Variants in BRD1 observed in about 807,000 individuals in gnomAD.
BRD1 encodes bromodomain-containing protein 1.
In BRD1, 24 loss-of-function variants were observed where a neutral mutation model predicts 107.7. That is an observed-to-expected ratio of 0.22 (90% confidence interval 0.16 to 0.31). The LOEUF is 0.31. Among genes scored for constraint, BRD1 ranks in the 10% least tolerant of loss-of-function variants. The pLI is 1.00. For synonymous variants in BRD1, 744 were observed against 686.1 expected, an observed-to-expected ratio of 1.08 and a Z score of -1.32; for missense variants, 1,279 against 1,638.6, an observed-to-expected ratio of 0.78 and a Z score of 3.79.
Position 49,776,041 on chromosome 22 carries a change from C to T in BRD1, c.3231+9G>A, listed in dbSNP as rs370656126. The T allele has an allele frequency of 1.6e-4, 246 of 1,550,416 alleles. No individual in the cohort carries two copies. Among genetic ancestry groups the T allele is most frequent in the Non-Finnish European group, 2.0e-4 (227 of 1,152,316 alleles). On this transcript the variant is annotated intron_variant, in intron 11 of 12. Coordinates refer to ENST00000404760, the MANE Select transcript of BRD1 (RefSeq NM_001304808.3). The stretch of plus-strand genomic sequence containing the variant: ...CTGGACCCGCAGGCGCCACGAGAGC[C>T]GTACTCACCAGTGCCGGGTAGGAGG...
At chr22:49,826,040 G>T in intron 1 of BRD1, 1 of 399,982 alleles carries the variant, frequency 2.5e-6, no homozygotes, top group Non-Finnish European at 3.4e-6. Flanking sequence ...AGCCGGCCCC[G>T]TGAGCCCTGC....
At chr22:49,814,868 G>A (rs915940673) in intron 2 of BRD1, among the ~76,000 whole-genome samples, 2 of 152,226 alleles carry the variant, frequency 1.3e-5, no homozygotes, top group Non-Finnish European at 2.9e-5. Context: ...TATGGTGAAA[G>A]TGAAGAGAGA....
chr22:49,787,651 C>A lies in BRD1; in HGVS notation c.2596G>T (p.Ala866Ser). 1 of 1,550,568 alleles carries A rather than the reference C, an allele frequency of 6.4e-7. No individual in the cohort carries two copies. Among genetic ancestry groups the A allele is most frequent in the South Asian group, 1.2e-5 (1 of 84,080 alleles). The change falls in exon 8 of 13, where the codon GCG becomes TCG. Residue 866 changes from alanine to serine, a missense_variant. This residue lies in a region of BRD1 where 406 missense variants were observed against 519.4 expected (regional missense o/e 0.78). Coordinates refer to ENST00000404760, the MANE Select transcript of BRD1 (RefSeq NM_001304808.3). ...GCTGGCTCCGCCACCGCGGAGGCCG[C>A]CGCCGCCGGCACATCGCCACTACTG... Reference protein sequence around the residue: ...RASSGDVPAAAASAVAEPASD... With the variant: ...RASSGDVPAASASAVAEPASD...
chr22:49,787,354 G>A (rs749807312), intron 8 of BRD1, 36 bp downstream of exon 8: 3 of 1,567,156 alleles, frequency 1.9e-6, no homozygotes, highest in Admixed American at 1.9e-5. Context: ...GCACTGGTCG[G>A]CAAGGGCGCC....
rs907957374 is a variant in BRD1, at chr22:49,775,680, G to A, written c.3297C>T (p.Pro1099=). 2 of 1,613,650 alleles carry A rather than the reference G, an allele frequency of 1.2e-6. No individual in the cohort carries two copies. Among genetic ancestry groups the A allele is most frequent in the Middle Eastern group, 1.6e-4 (1 of 6,078 alleles). Residue 1099 remains proline, a synonymous_variant, in exon 12 of 13, where the codon CCC becomes CCT. Coordinates refer to ENST00000404760, the MANE Select transcript of BRD1 (RefSeq NM_001304808.3). The part of the protein sequence containing the change: ...HHNGVTIPAP[P]LDVLKIGEHM... ...GCTCCCCAATCTTCAGCACGTCCAG[G>A]GGTGGGGCCGGGATGGTGACGCCGT...
At chr22:49,813,115 GC>G (rs1264843042) in intron 2 of BRD1, among the ~76,000 whole-genome samples, 1 of 152,180 alleles carries the variant, frequency 6.6e-6, no homozygotes, top group Non-Finnish European at 1.5e-5. Context: ...AGGTGGCCGG[GC>G]ACCATGGCTC....
At chr22:49,794,375 C>A in intron 6 of BRD1, 81 bp from the exon 7 acceptor site, 1 of 1,521,932 alleles carries the variant, frequency 6.6e-7, no homozygotes, top group South Asian at 1.3e-5. Flanking sequence ...TCTTTCAAAT[C>A]ACCTTCGGCC....
At position 49,777,689 on chromosome 22, in the gene BRD1, G is replaced by A. The variant is rs2035421128; in HGVS notation, c.2982C>T (p.Leu994=). The A allele has an allele frequency of 1.2e-6, 2 of 1,607,584 alleles. No homozygotes were observed. Among genetic ancestry groups the A allele is most frequent in the African/African-American group, 1.3e-5 (1 of 75,010 alleles). ...GCCGCGGTGCCCACCTCGAGTCGCA[G>A]AGCGGGCTGTTGCTGGAGGAGATGC... ...ESSISSSNSP[L]CDSSFNAPKC... The change falls in exon 9 of 13, where the codon CTC becomes CTT. Residue 994 remains leucine, a synonymous_variant. Transcript: ENST00000404760.
chr22:49,787,548 G>T lies in BRD1; in HGVS notation c.2699C>A (p.Thr900Asn), dbSNP rs930359536. Residue 900 changes from threonine to asparagine, a missense_variant, in exon 8 of 13, where the codon ACT (threonine) becomes AAT (asparagine). Coordinates refer to ENST00000404760, the MANE Select transcript of BRD1 (RefSeq NM_001304808.3). ...SVSPPKSAKNTETQPTSPQLG... is the reference protein window; with the variant it reads ...SVSPPKSAKNNETQPTSPQLG... ...CTGAGGAGAAGTTGGCTGGGTTTCA[G>T]TGTTCTTGGCAGACTTTGGGGGGCT... The T allele has an allele frequency of 6.2e-7, 1 of 1,603,306 alleles. No homozygotes were observed. Among genetic ancestry groups the T allele is most frequent in the Non-Finnish European group, 8.5e-7 (1 of 1,174,670 alleles).
At chr22:49,808,071 C>G (rs913053661) in intron 2 of BRD1, among the ~76,000 whole-genome samples, 3 of 152,102 alleles carry the variant, frequency 2.0e-5, no homozygotes, top group Non-Finnish European at 4.4e-5. Context: ...TGAACCCTTG[C>G]GCACCGCCGG....
intron 2 of BRD1, among the ~76,000 whole-genome samples, chr22:49,811,370 TGTACACTTCACATGG>T (rs2059845702): frequency 6.6e-6 from 1 of 152,182 alleles, no homozygotes; most frequent in Non-Finnish European, 1.5e-5. Flanking sequence ...TCCACTCAAC[TGTACACTTCACATGG>T]GTAAATTTCA....
chr22:49,804,383 A>G (rs1189104204), intron 2 of BRD1, 23 bp from the exon 3 acceptor site: 1 of 1,585,804 alleles, frequency 6.3e-7, no homozygotes, highest in Non-Finnish European at 8.6e-7. Context: ...CACTCAGTGT[A>G]TCTTTGAAGC....
chr22:49,785,829 G>A (rs1257726408), intron 8 of BRD1, among the ~76,000 whole-genome samples: 1 of 152,234 alleles, frequency 6.6e-6, no homozygotes, highest in Admixed American at 6.5e-5. Flanking sequence ...CGCATGACCT[G>A]CTTGCTGGCA....
intron 8 of BRD1, among the ~76,000 whole-genome samples, chr22:49,784,095 T>C (rs2059270489): frequency 6.6e-6 from 1 of 152,006 alleles, no homozygotes; most frequent in Non-Finnish European, 1.5e-5. Flanking sequence ...CCCCAGCACG[T>C]GCACATGGAG....
chr22:49,800,859 C>T (rs1031267271), intron 3 of BRD1, among the ~76,000 whole-genome samples: 1 of 152,278 alleles, frequency 6.6e-6, no homozygotes, highest in Admixed American at 6.5e-5. Flanking sequence ...TGAGCGCCTC[C>T]GCGTCCATTC....
chr22:49,805,037 A>G (rs899219429), intron 2 of BRD1, among the ~76,000 whole-genome samples: 1 of 152,168 alleles, frequency 6.6e-6, no homozygotes, highest in African/African-American at 2.4e-5. Context: ...AACCTTAGAC[A>G]CTGTCCACTC....
At chr22:49,813,887 C>T (rs1045414587) in intron 2 of BRD1, among the ~76,000 whole-genome samples, 12 of 152,032 alleles carry the variant, frequency 7.9e-5, no homozygotes, top group Non-Finnish European at 1.6e-4. Flanking sequence ...AGCTTTACGG[C>T]TGCAGAGTGG....
At chr22:49,810,101 A>G (rs1291957091) in intron 2 of BRD1, among the ~76,000 whole-genome samples, 1 of 152,240 alleles carries the variant, frequency 6.6e-6, no homozygotes, top group Non-Finnish European at 1.5e-5. Context: ...AATGGATATC[A>G]AGAGTTTAAA....
At chr22:49,819,894 T>C (rs897896827) in intron 2 of BRD1, among the ~76,000 whole-genome samples, 1 of 151,962 alleles carries the variant, frequency 6.6e-6, no homozygotes, top group Non-Finnish European at 1.5e-5. Context: ...CTTTGGGAGT[T>C]CGAGGCGGGT....
Sources: allele counts gnomAD v4.1 joint callset (sites outside exome capture counted in the v4.1 genomes callset), GRCh38; gene constraint gnomAD v4.1.1; regional missense constraint gnomAD v4.1.1; transcripts MANE v1.5; gene names NCBI Gene and HGNC (gene_info 2026-07-23, HGNC 2026-07-21).